Variants in AKAP3 observed in about 807,000 individuals in gnomAD.
AKAP3 encodes the protein A-kinase anchoring protein 3, also known as A-kinase anchor protein 3.
AKAP3 carries 27 observed loss-of-function variants against 57.2 expected under a neutral mutation model. That is an observed-to-expected ratio of 0.47 (90% CI 0.35 to 0.65). AKAP3 has a LOEUF of 0.65. AKAP3 is among the 30% of genes least tolerant of loss of function. The pLI is 0.01. For synonymous variants in AKAP3, 334 were observed against 392.3 expected, an observed-to-expected ratio of 0.85 and a Z score of 1.76; for missense variants, 959 against 1,040.0, an observed-to-expected ratio of 0.92 and a Z score of 1.07.
chr12:4,626,403 T>C, intron 5 of AKAP3, 93 bp downstream of exon 5: 1 of 1,405,780 alleles, frequency 7.1e-7, no homozygotes, highest in Non-Finnish European at 9.6e-7. Flanking sequence ...TTACCTTCTC[T>C]GTGGCTATCT....
intron 4 of AKAP3, among the ~76,000 whole-genome samples, chr12:4,636,294 G>C (rs543645089): frequency 3.9e-5 from 6 of 152,362 alleles, no homozygotes; most frequent in African/African-American, 1.4e-4. Flanking sequence ...TGAAGCCCCA[G>C]GCATGGCCCG....
intron 4 of AKAP3, among the ~76,000 whole-genome samples, chr12:4,632,748 C>G (rs766048731): frequency 3.3e-4 from 50 of 152,144 alleles, no homozygotes; most frequent in Non-Finnish European, 5.7e-4. Flanking sequence ...TCATGACATT[C>G]TCCAGCCTCA....
At chr12:4,617,563 G>T (rs1945299987) in intron 5 of AKAP3, among the ~76,000 whole-genome samples, 1 of 152,146 alleles carries the variant, frequency 6.6e-6, no homozygotes, top group Non-Finnish European at 1.5e-5. Flanking sequence ...GACCAGCCTG[G>T]CCAATATGGC....
intron 5 of AKAP3, among the ~76,000 whole-genome samples, chr12:4,616,587 AAG>A (rs1945288129): frequency 6.6e-6 from 1 of 152,222 alleles, no homozygotes; most frequent in Non-Finnish European, 1.5e-5. Context: ...CCTCTTCAGA[AAG>A]AGAAATATCC....
At chr12:4,632,840 C>T (rs2137439182) in intron 4 of AKAP3, among the ~76,000 whole-genome samples, 1 of 152,178 alleles carries the variant, frequency 6.6e-6, no homozygotes, top group South Asian at 2.1e-4. Context: ...TGGGGTTTCA[C>T]CATGTTAGCC....
intron 4 of AKAP3, 82 bp downstream of exon 4, chr12:4,638,019 G>A (rs1297484554): frequency 5.2e-6 from 6 of 1,148,568 alleles, no homozygotes; most frequent in Non-Finnish European, 5.3e-6. Context: ...AGAGGTTGGT[G>A]GTATGGTGGA....
intron 5 of AKAP3, among the ~76,000 whole-genome samples, chr12:4,616,315 A>G (rs1009682671): frequency 6.6e-6 from 1 of 152,258 alleles, no homozygotes; most frequent in African/African-American, 2.4e-5. Context: ...TTCCCAGAGA[A>G]GTACAGAGAT....
chr12:4,632,383 C>T (rs1053921591), intron 4 of AKAP3, among the ~76,000 whole-genome samples: 5 of 152,106 alleles, frequency 3.3e-5, no homozygotes, highest in Non-Finnish European at 5.9e-5. Flanking sequence ...CAATTATATA[C>T]CCCTCACCCT....
chr12:4,617,488 C>T (rs75473126), intron 5 of AKAP3, among the ~76,000 whole-genome samples: 3,301 of 152,288 alleles, frequency 0.022, 100 homozygotes, highest in African/African-American at 0.073. Flanking sequence ...AGCAGTGGCT[C>T]ACGCCTGTAA....
rs536107262 is a variant in AKAP3, at chr12:4,625,542, G to C, written c.2406+954C>G. Among the ~76,000 whole-genome samples the C allele has an allele frequency of 1.2e-4, 18 of 152,150 alleles. No homozygotes were observed. Among genetic ancestry groups the C allele is most frequent in the Non-Finnish European group, 2.4e-4 (16 of 68,022 alleles). On this transcript the variant is annotated intron_variant, in intron 5 of 5. Transcript: ENST00000228850. The surrounding 1 kb of genome is among the most constrained non-coding windows in gnomAD (Gnocchi z 5.4). ...CCACTTAATTAAGCAGAGAAAGCCT[G>C]TTTTTCCTTATCTTCTGATTCCTAT... is the stretch of plus-strand genomic sequence containing the variant.
chr12:4,648,837 T>A lies in AKAP3; in HGVS notation c.-337A>T, dbSNP rs758375631. 5.0e-6 allele frequency: 2 copies of A among 396,558 alleles called. No homozygotes were observed. Among genetic ancestry groups the A allele is most frequent in the South Asian group, 8.4e-5 (2 of 23,702 alleles). The allele number at this position is 396,558 out of a possible 1,614,324, so 24.6% of individuals were successfully genotyped here. ...CTACCTCGGGTCTTGCCATTTTGCA[T>A]GTCCTGAGTCAGTCACTGGTTAACT... On this transcript the variant is annotated 5_prime_UTR_variant, in exon 1 of 6. It removes an upstream start codon present in the reference 5' UTR. Transcript: ENST00000228850.
At chr12:4,621,975 A>G (rs1433913275) in intron 5 of AKAP3, among the ~76,000 whole-genome samples, 3 of 152,192 alleles carry the variant, frequency 2.0e-5, no homozygotes, top group Non-Finnish European at 4.4e-5. Flanking sequence ...GATTCCTTGT[A>G]ATATATAAAA....
In AKAP3 at chr12:4,627,338, A is replaced by T. The variant is rs1218871885; in HGVS notation, c.1564T>A (p.Ser522Thr). 1 of 1,614,124 alleles carries T rather than the reference A, an allele frequency of 6.2e-7. No homozygotes were observed. The highest frequency in any genetic ancestry group is 8.5e-7 in the Non-Finnish European group (1 of 1,180,026). The stretch of plus-strand genomic sequence containing the variant: ...GACACGATCAGGTCCTCGGCCCAGG[A>T]GTCTGAATCATACATAAAATTCTCA... ...KPENFMYDSD[S>T]WAEDLIVSAL... Residue 522 changes from serine to threonine, a missense_variant, in exon 5 of 6, where the codon TCC (serine) becomes ACC (threonine). By Grantham distance (58) the Ser-to-Thr change is moderately conservative. Coordinates refer to ENST00000228850, the MANE Select transcript of AKAP3 (RefSeq NM_001278309.2).
In AKAP3 at chr12:4,627,991, A is replaced by C; in HGVS notation, c.911T>G (p.Leu304Arg). 1.2e-6 allele frequency: 2 copies of C among 1,614,018 alleles called. No individual in the cohort carries two copies. The highest frequency in any genetic ancestry group is 2.2e-5 in the East Asian group (1 of 44,876). The change falls in exon 5 of 6, where the codon CTG becomes CGG. Residue 304 changes from leucine (L) to arginine (R), a missense_variant. Transcript: ENST00000228850. Reference sequence around the variant, plus strand: ...GGTTGTGTCTTTCACTTGGATCTTCAGTGTCTTCATGATGGAGACCATCAT... The same window carrying C: ...GGTTGTGTCTTTCACTTGGATCTTCCGTGTCTTCATGATGGAGACCATCAT... ...SDMMVSIMKT[L>R]KIQVKDTTIA...
intron 3 of AKAP3, among the ~76,000 whole-genome samples, chr12:4,640,391 T>C (rs988310286): frequency 1.3e-5 from 2 of 152,244 alleles, no homozygotes; most frequent in Non-Finnish European, 2.9e-5. Flanking sequence ...AATTGTGTTT[T>C]ATGAAGAATT....
At chr12:4,638,440 A>T (rs575852665) in intron 3 of AKAP3, among the ~76,000 whole-genome samples, 5 of 152,284 alleles carry the variant, frequency 3.3e-5, no homozygotes, top group Admixed American at 1.3e-4. Flanking sequence ...GGTATCTGCG[A>T]CAGGTGCTTA....
At chr12:4,647,024 C>A (rs543945844) in intron 1 of AKAP3, among the ~76,000 whole-genome samples, 1 of 152,194 alleles carries the variant, frequency 6.6e-6, no homozygotes, top group African/African-American at 2.4e-5. Flanking sequence ...CTCAAGTGAT[C>A]CGCCTGCCTC....
At chr12:4,632,659 G>T (rs1352611145) in intron 4 of AKAP3, among the ~76,000 whole-genome samples, 4 of 151,800 alleles carry the variant, frequency 2.6e-5, no homozygotes, top group African/African-American at 9.7e-5. Context: ...TTTTTGTTTT[G>T]ATACAGAGTC....
At chr12:4,646,148 C>T (rs1199828487) in intron 1 of AKAP3, among the ~76,000 whole-genome samples, 2 of 152,124 alleles carry the variant, frequency 1.3e-5, no homozygotes, top group African/African-American at 4.8e-5. Context: ...ACCTGAGAAA[C>T]TGTAGTGGGA....
Sources: allele counts gnomAD v4.1 joint callset (sites outside exome capture counted in the v4.1 genomes callset), GRCh38; gene constraint gnomAD v4.1.1; non-coding constraint Gnocchi (gnomAD v3.1); transcripts MANE v1.5; gene names NCBI Gene and HGNC (gene_info 2026-07-23, HGNC 2026-07-21).